The following RBBP6 variants were observed in gnomAD, a reference collection of about 807,000 sequenced individuals.
RBBP6 encodes the protein RB binding protein 6, ubiquitin ligase, also known as E3 ubiquitin-protein ligase RBBP6.
RBBP6 carries 25 observed loss-of-function variants against 167.7 expected under a neutral mutation model. The ratio of observed to expected loss-of-function variants is 0.15; its 90% CI spans 0.11 to 0.21. The LOEUF is 0.21. Among genes scored for constraint, RBBP6 ranks in the 10% least tolerant of loss-of-function variants. The pLI is 1.00. For synonymous variants in RBBP6, 789 were observed against 735.8 expected (o/e 1.07, Z -1.17); for missense variants, 1,868 against 2,134.2 (o/e 0.88, Z 2.46).
Position 24,569,029 on chromosome 16 carries a change from C to T in RBBP6, c.2339C>T (p.Ser780Phe). 1 of 1,614,074 alleles carries T rather than the reference C, an allele frequency of 6.2e-7. No homozygotes were observed. The highest frequency in any genetic ancestry group is 8.5e-7 in the Non-Finnish European group (1 of 1,180,014). The change falls in exon 17 of 18, where the codon TCT (serine) becomes TTT (phenylalanine). Residue 780 changes from serine (S) to phenylalanine (F), a missense_variant. Ser to Phe is a radical substitution (Grantham distance 155). This residue lies in a region of RBBP6 where 673 missense variants were observed against 691.5 expected (regional missense o/e 0.97). Coordinates refer to ENST00000319715, the MANE Select transcript of RBBP6 (RefSeq NM_006910.5). The stretch of plus-strand genomic sequence containing the variant: ...TCTCCTCAAGCGTTTAGGGGACAGT[C>T]TCCTAATAAACGTAATGTACCTCAA... ...SRSPQAFRGQ[S>F]PNKRNVPQGE...
Position 24,542,828 on chromosome 16 carries a change from A to T in RBBP6, c.166+2036A>T, listed in dbSNP as rs933382981. Among the ~76,000 whole-genome samples the T allele has an allele frequency of 2.0e-5, 3 of 151,616 alleles. No individual in the cohort carries two copies. The East Asian group carries it at 5.8e-4, about 29-fold the overall frequency. ...AGAGTTTTGTGACTTTGTGTAACCA[A>T]TTTTTTTTTCCTAGCCCAGGAAATA... On this transcript the variant is annotated intron_variant, in intron 1 of 17. Coordinates refer to ENST00000319715, the MANE Select transcript of RBBP6 (RefSeq NM_006910.5).
At chr16:24,547,141 A>G (rs1038741253) in intron 2 of RBBP6, among the ~76,000 whole-genome samples, 5 of 152,136 alleles carry the variant, frequency 3.3e-5, no homozygotes, top group Non-Finnish European at 5.9e-5. Context: ...TTTTGAGTCA[A>G]TGAAAAATTC....
Position 24,571,567 on chromosome 16 carries a change from CCTT to C in RBBP6, c.4504_4506del (p.Ser1502del), listed in dbSNP as rs762396909. ...TGAATTAACAAGACGAAAAGACTCT[CCTT>C]CTCGGAATAAAGATTCTGCATCTGG... On this transcript the variant is annotated inframe_deletion, in exon 18 of 18. Coordinates refer to ENST00000319715, the MANE Select transcript of RBBP6 (RefSeq NM_006910.5). 20 of 1,612,718 alleles carry C rather than the reference CCTT, an allele frequency of 1.2e-5. No homozygotes were observed. Among genetic ancestry groups the C allele is most frequent in the Admixed American group, 5.0e-5 (3 of 59,734 alleles).
Position 24,569,396 on chromosome 16 carries a change from T to G in RBBP6, c.2706T>G (p.Leu902=). ...TAGGTAGCAACTATCCAGAAAAGCTTTCAGCAAGAGATGGTCACAATCAGA... is the reference window on the plus strand; with the variant it reads ...TAGGTAGCAACTATCCAGAAAAGCTGTCAGCAAGAGATGGTCACAATCAGA... ...RNIGSNYPEK[L]SARDGHNQKD... Residue 902 remains leucine (L), a synonymous_variant, in exon 17 of 18, where the codon CTT becomes CTG. Coordinates refer to ENST00000319715, the MANE Select transcript of RBBP6 (RefSeq NM_006910.5). 6.2e-7 allele frequency: 1 copy of G among 1,613,966 alleles called. No homozygotes were observed. Among genetic ancestry groups the G allele is most frequent in the South Asian group, 1.1e-5 (1 of 91,072 alleles).
intron 11 of RBBP6, 22 bp from the exon 12 acceptor site, chr16:24,563,401 T>G: frequency 6.3e-7 from 1 of 1,575,422 alleles, no homozygotes; most frequent in Non-Finnish European, 8.6e-7. Flanking sequence ...CTATTTCTGT[T>G]TATTTGTGGT....
At position 24,547,585 on chromosome 16, in the gene RBBP6, A is replaced by T. The variant is rs556684248; in HGVS notation, c.266+1323A>T. Among the ~76,000 whole-genome samples the T allele has an allele frequency of 4.9e-4, 74 of 152,208 alleles. No homozygotes were observed. The South Asian group carries it at 5.4e-3, about 11-fold the overall frequency. On this transcript the variant is annotated intron_variant, in intron 2 of 17. Coordinates refer to ENST00000319715, the MANE Select transcript of RBBP6 (RefSeq NM_006910.5). Reference sequence around the variant, plus strand: ...ATTCTCCTGCCTCAGCCTCCCAAGTAGCCAGGATTATGGGTGCCCACCACC... The same window carrying T: ...ATTCTCCTGCCTCAGCCTCCCAAGTTGCCAGGATTATGGGTGCCCACCACC...
chr16:24,559,783 G>A (rs1899002750), intron 8 of RBBP6, 106 bp downstream of exon 8: 2 of 1,044,802 alleles, frequency 1.9e-6, no homozygotes, highest in Non-Finnish European at 2.6e-6. Flanking sequence ...AAATAATGTT[G>A]ATGACAAGTG....
chr16:24,558,396 T>G (rs1216257526), intron 7 of RBBP6: 2 of 828,032 alleles, frequency 2.4e-6, no homozygotes, highest in Non-Finnish European at 2.9e-6. Flanking sequence ...TTTTTTTTTT[T>G]TTCTTTTTTC....
In RBBP6 at chr16:24,561,655, G is replaced by A. The variant is rs745390672; in HGVS notation, c.891G>A (p.Pro297=). 10 of 1,613,918 alleles carry A rather than the reference G, an allele frequency of 6.2e-6. No individual in the cohort carries two copies. The highest frequency in any genetic ancestry group is 4.5e-5 in the East Asian group (2 of 44,876). ...ALLESDEHTC[P]TCHQNDVSPD... is the part of the protein sequence containing the mutation. ...TGGAATCAGATGAGCACACATGTCCGACGTGTCATCAAAATGATGTTTCTC... is the reference window on the plus strand; with the variant it reads ...TGGAATCAGATGAGCACACATGTCCAACGTGTCATCAAAATGATGTTTCTC... The change falls in exon 9 of 18, where the codon CCG becomes CCA. Residue 297 remains proline, a synonymous_variant. Coordinates refer to ENST00000319715, the MANE Select transcript of RBBP6 (RefSeq NM_006910.5).
At chr16:24,559,368 T>A in intron 7 of RBBP6, 137 bp from the exon 8 acceptor site, 1 of 577,728 alleles carries the variant, frequency 1.7e-6, no homozygotes, top group East Asian at 3.3e-5. Context: ...ACTCCCTTAT[T>A]TTAGAAGATA....
In RBBP6 at chr16:24,567,394, C is replaced by G; in HGVS notation, c.1841C>G (p.Pro614Arg). The change falls in exon 15 of 18, where the codon CCT becomes CGT. Residue 614 changes from proline to arginine, a missense_variant. Pro to Arg is a moderately radical substitution (Grantham distance 103). Coordinates refer to ENST00000319715, the MANE Select transcript of RBBP6 (RefSeq NM_006910.5). ...FPPAPANLST[P>R]WVSSGVQTAH... The stretch of plus-strand genomic sequence containing the variant: ...CCAGCTCCTGCCAATTTATCAACAC[C>G]TTGGGTATCATCAGGAGTGCAGACA... 2 of 1,614,186 alleles carry G rather than the reference C, an allele frequency of 1.2e-6. No individual in the cohort carries two copies. The highest frequency in any genetic ancestry group is 1.7e-6 in the Non-Finnish European group (2 of 1,180,028).
At position 24,569,560 on chromosome 16, in the gene RBBP6, C is replaced by T; in HGVS notation, c.2870C>T (p.Ser957Phe). Residue 957 changes from serine to phenylalanine, a missense_variant, in exon 17 of 18, where the codon TCT (serine) becomes TTT (phenylalanine). Ser to Phe is a radical substitution (Grantham distance 155). This residue lies in a region of RBBP6 where 673 missense variants were observed against 691.5 expected (regional missense o/e 0.97). Transcript: ENST00000319715. ...GFLNPELLET[S>F]RKSREPTGVE... ...CTGAACCCAGAGTTATTAGAGACTT[C>T]TAGGAAATCAAGAGAACCTACAGGT... 1.9e-6 allele frequency: 3 copies of T among 1,612,258 alleles called. No homozygotes were observed. The highest frequency in any genetic ancestry group is 2.5e-6 in the Non-Finnish European group (3 of 1,179,546).
intron 14 of RBBP6, among the ~76,000 whole-genome samples, chr16:24,566,115 T>G (rs562187595): frequency 2.0e-5 from 3 of 152,166 alleles, no homozygotes; most frequent in Non-Finnish European, 2.9e-5. Context: ...GCTAAACTTA[T>G]GAAAGTTTAC....
chr16:24,559,775 AT>A, intron 8 of RBBP6, 98 bp downstream of exon 8: 5 of 1,097,400 alleles, frequency 4.6e-6, no homozygotes, highest in Non-Finnish European at 6.2e-6. Context: ...AATAAAATAA[AT>A]AATGTTGATG....
chr16:24,563,093 TAACTC>T lies in RBBP6; in HGVS notation c.1290-104_1290-100del, dbSNP rs1178655925. On this transcript the variant is annotated intron_variant, in intron 10 of 17. Coordinates refer to ENST00000319715, the MANE Select transcript of RBBP6 (RefSeq NM_006910.5). ...TCAGAAGTATTCATCATCTTTGACT[TAACTC>T]ATCTTAACTGCAGGTGATGGGTAAA... is the stretch of plus-strand genomic sequence containing the variant. The T allele has an allele frequency of 1.0e-5, 8 of 778,312 alleles. No homozygotes were observed. In the Admixed American group the frequency reaches 1.6e-4, roughly 15 times the overall value. The allele number at this position is 778,312 out of a possible 1,614,324, so 48.2% of individuals were successfully genotyped here.
At position 24,571,539 on chromosome 16, in the gene RBBP6, GAA is replaced by G; in HGVS notation, c.4474_4475del (p.Asn1492Ter). The stretch of plus-strand genomic sequence containing the variant: ...CAAGTTCCAAACGTAGAGATGAAAA[GAA>G]TGAATTAACAAGACGAAAAGACTCT... The part of the protein sequence containing the change: ...YSSSKRRDEK[N>X]ELTRRKDSPS... On this transcript the variant is annotated frameshift_variant, in exon 18 of 18. Transcript: ENST00000319715. LOFTEE classifies it high-confidence loss of function. 1 of 1,613,570 alleles carries G rather than the reference GAA, an allele frequency of 6.2e-7. No homozygotes were observed. Among genetic ancestry groups the G allele is most frequent in the South Asian group, 1.1e-5 (1 of 90,920 alleles).
Position 24,541,205 on chromosome 16 carries a change from C to CAAA in RBBP6, c.166+418_166+420dup, listed in dbSNP as rs933107246. 5.5e-3 allele frequency among the ~76,000 whole-genome samples: 436 copies of CAAA among 78,768 alleles called. 15 individuals carry two copies. The highest frequency in any genetic ancestry group is 8.9e-3 in the East Asian group (26 of 2,906). 51.7% of individuals were successfully genotyped at this position (78,768 alleles called of 152,430 possible). ...GCAAAAAAAAAAACAAAAAAAAAACCAAAAAAACAATTTTCTAACCTAACA... is the reference window on the plus strand; with the variant it reads ...GCAAAAAAAAAAACAAAAAAAAAACCAAAAAAAAAACAATTTTCTAACCTAACA... On this transcript the variant is annotated intron_variant, in intron 1 of 17. Transcript: ENST00000319715.
At chr16:24,547,435 A>G (rs747453613) in intron 2 of RBBP6, among the ~76,000 whole-genome samples, 6 of 151,904 alleles carry the variant, frequency 3.9e-5, no homozygotes, top group Middle Eastern at 3.2e-3. Context: ...TTATATATAT[A>G]TGTGTGTATA....
chr16:24,547,691 G>C (rs546021073), intron 2 of RBBP6, among the ~76,000 whole-genome samples: 5 of 152,212 alleles, frequency 3.3e-5, no homozygotes, highest in Admixed American at 3.3e-4. Context: ...CCTGACCTCA[G>C]GTGATCCACC....
Sources: allele counts gnomAD v4.1 joint callset (sites outside exome capture counted in the v4.1 genomes callset), GRCh38; gene constraint gnomAD v4.1.1; regional missense constraint gnomAD v4.1.1; transcripts MANE v1.5; gene names NCBI Gene and HGNC (gene_info 2026-07-23, HGNC 2026-07-21).